The following CECR2 variants were observed in gnomAD, a reference collection of about 807,000 sequenced individuals.
CECR2 encodes CECR2 histone acetyl-lysine reader.
CECR2 carries 30 observed loss-of-function variants against 154.5 expected under a neutral mutation model. The ratio of observed to expected loss-of-function variants is 0.19; its 90% CI spans 0.15 to 0.26. CECR2 has a LOEUF of 0.26. CECR2 is among the 10% of genes least tolerant of loss of function. The pLI is 1.00. For synonymous variants in CECR2, 725 were observed against 683.7 expected, an observed-to-expected ratio of 1.06 and a Z score of -0.94; for missense variants, 1,743 against 1,829.3, an observed-to-expected ratio of 0.95 and a Z score of 0.86.
At chr22:17,545,583 A>G (rs1054623550) in intron 16 of CECR2, among the ~76,000 whole-genome samples, 1 of 151,984 alleles carries the variant, frequency 6.6e-6, no homozygotes, top group African/African-American at 2.4e-5. Flanking sequence ...GGTGGCTCAC[A>G]TCTGTAATTG....
intron 2 of CECR2, among the ~76,000 whole-genome samples, chr22:17,491,238 G>A (rs1052531103): frequency 4.6e-5 from 7 of 152,106 alleles, no homozygotes; most frequent in African/African-American, 1.7e-4. Context: ...CCTAGGAGTT[G>A]GAGTGGCTGG....
Position 17,504,855 on chromosome 22 carries a change from G to T in CECR2, c.709G>T (p.Gly237Trp). 6.2e-7 allele frequency: 1 copy of T among 1,613,108 alleles called. No individual in the cohort carries two copies. Among genetic ancestry groups the T allele is most frequent in the Non-Finnish European group, 8.5e-7 (1 of 1,179,614 alleles). ...SEPQTRHGSQ[G>W]PGQGTWWLLC... ...GTTCCTTTATTTTCTAGGGTCCCAA[G>T]GGCCAGGCCAAGGTACTTGGTGGCT... Residue 237 changes from glycine (G) to tryptophan (W), a missense_variant, in exon 7 of 19, where the codon GGG (glycine) becomes TGG (tryptophan). Transcript: ENST00000262608.
In CECR2 at chr22:17,540,704, G is replaced by A. The variant is rs2056509210; in HGVS notation, c.1788G>A (p.Gln596=). ...SGDDQSSSST[Q]PPREVGTSNG... is the part of the protein sequence containing the mutation. The stretch of plus-strand genomic sequence containing the variant: ...ACGATCAGAGCAGCAGCTCCACACA[G>A]CCCCCGCGGGAGGTGGGCACTTCCA... The change falls in exon 14 of 19, where the codon CAG becomes CAA. Residue 596 remains glutamine, a synonymous_variant. Transcript: ENST00000262608. The A allele has an allele frequency of 6.2e-7, 1 of 1,613,348 alleles. No homozygotes were observed. The highest frequency in any genetic ancestry group is 8.5e-7 in the Non-Finnish European group (1 of 1,179,658).
chr22:17,528,463 T>C (rs1313608607), intron 9 of CECR2, among the ~76,000 whole-genome samples: 5 of 152,042 alleles, frequency 3.3e-5, no homozygotes, highest in Admixed American at 2.0e-4. Flanking sequence ...ACAAAAAAAA[T>C]AGTTATTATG....
chr22:17,477,751 C>G, intron 2 of CECR2, 69 bp downstream of exon 2: 5 of 1,110,262 alleles, frequency 4.5e-6, no homozygotes, highest in Non-Finnish European at 6.9e-6. Context: ...AGTGATGTTT[C>G]CTGTCTCCTG....
At chr22:17,486,134 C>T (rs2055415865) in intron 2 of CECR2, among the ~76,000 whole-genome samples, 1 of 152,150 alleles carries the variant, frequency 6.6e-6, no homozygotes, top group African/African-American at 2.4e-5. Flanking sequence ...CAGGCACCAC[C>T]GTGCCCATCT....
intron 2 of CECR2, among the ~76,000 whole-genome samples, chr22:17,488,545 T>C (rs954865031): frequency 2.6e-5 from 4 of 152,180 alleles, no homozygotes; most frequent in African/African-American, 7.2e-5. Context: ...ATGAATGGGA[T>C]CACACAGTGT....
At chr22:17,527,853 T>A (rs543684362) in intron 9 of CECR2, among the ~76,000 whole-genome samples, 1 of 151,678 alleles carries the variant, frequency 6.6e-6, no homozygotes, top group South Asian at 2.1e-4. Context: ...TCCAAAACTA[T>A]TATGAGATAT....
upstream of CECR2, among the ~76,000 whole-genome samples, chr22:17,366,497 T>C (rs138974233): frequency 9.1e-3 from 1,380 of 152,188 alleles, 22 homozygotes; most frequent in African/African-American, 0.032. Context: ...ACTGTGTGTT[T>C]TTAAGGAAGA....
chr22:17,435,595 A>G (rs1018991501), intron 1 of CECR2, among the ~76,000 whole-genome samples: 3 of 146,140 alleles, frequency 2.1e-5, no homozygotes, highest in East Asian at 2.1e-4. Context: ...AGCAAGTTCT[A>G]TTTTTGTTTG....
Position 17,542,333 on chromosome 22 carries a change from G to A in CECR2, c.2190G>A (p.Gln730=). Residue 730 remains glutamine, a synonymous_variant, in exon 16 of 19, where the codon CAG becomes CAA. Transcript: ENST00000262608. The part of the protein sequence containing the change: ...DGSMYAPAQF[Q]PGFIPPRHGG... ...GCATGTATGCTCCAGCTCAGTTCCA[G>A]CCAGGATTCATTCCTCCCCGGCATG... 2 of 1,613,516 alleles carry A rather than the reference G, an allele frequency of 1.2e-6. No homozygotes were observed. The highest frequency in any genetic ancestry group is 1.7e-6 in the Non-Finnish European group (2 of 1,179,726).
chr22:17,435,131 A>G (rs1283445086), intron 1 of CECR2, among the ~76,000 whole-genome samples: 1 of 152,164 alleles, frequency 6.6e-6, no homozygotes, highest in Non-Finnish European at 1.5e-5. Context: ...TGAATCAGTC[A>G]GACTTGATTT....
chr22:17,524,246 G>A lies in CECR2; in HGVS notation c.1083G>A (p.Leu361=). Residue 361 remains leucine, a synonymous_variant, in exon 9 of 19, where the codon TTG becomes TTA. Coordinates refer to ENST00000262608, the MANE Select transcript of CECR2 (RefSeq NM_001290047.2). The part of the protein sequence containing the change: ...QMLKEERKRE[L]EEKVKAVEDR... ...TAAAGGAAGAGAGGAAACGCGAGTT[G>A]GAGGAGAAGGTCAAGGCAGTGGAAG... is the stretch of plus-strand genomic sequence containing the variant. The A allele has an allele frequency of 4.3e-6, 7 of 1,609,738 alleles. No homozygotes were observed. The highest frequency in any genetic ancestry group is 5.9e-6 in the Non-Finnish European group (7 of 1,178,256).
rs12167185 is a variant in CECR2 at position 17,492,948 on chromosome 22, C to T, written c.222-4455C>T. Among the ~76,000 whole-genome samples the T allele has an allele frequency of 2.5e-3, 380 of 152,040 alleles. 3 individuals carry two copies. Among genetic ancestry groups the T allele is most frequent in the African/African-American group, 8.8e-3 (366 of 41,460 alleles). On this transcript the variant is annotated intron_variant, in intron 2 of 18. Coordinates refer to ENST00000262608, the MANE Select transcript of CECR2 (RefSeq NM_001290047.2). Reference sequence around the variant, plus strand: ...CAGCACAGTGCCACTGTTCTTTTTCCTTTATTTTATTTTACTTTATATTTT... The same window carrying T: ...CAGCACAGTGCCACTGTTCTTTTTCTTTTATTTTATTTTACTTTATATTTT...
chr22:17,421,611 T>A (rs1312789601), intron 1 of CECR2, among the ~76,000 whole-genome samples: 2 of 33,966 alleles, frequency 5.9e-5, no homozygotes, highest in Admixed American at 5.3e-4. Flanking sequence ...CGAGACTCCG[T>A]CTCAAAAAAA....
chr22:17,503,212 T>A, intron 6 of CECR2, 81 bp downstream of exon 6: 1 of 1,334,538 alleles, frequency 7.5e-7, no homozygotes, highest in Admixed American at 2.0e-5. Context: ...TTTTCTAGAG[T>A]CATACAAAGT....
chr22:17,502,671 C>T (rs918748299), intron 5 of CECR2, among the ~76,000 whole-genome samples: 3 of 151,996 alleles, frequency 2.0e-5, no homozygotes, highest in Non-Finnish European at 4.4e-5. Context: ...CACCTGGTGG[C>T]GGGTGCCTAT....
intron 1 of CECR2, among the ~76,000 whole-genome samples, chr22:17,422,341 G>C (rs2054268738): frequency 6.6e-6 from 1 of 152,096 alleles, no homozygotes; most frequent in Non-Finnish European, 1.5e-5. Context: ...GGGATTACAG[G>C]CGCGCGCCAC....
chr22:17,511,562 T>G (rs780613191), intron 7 of CECR2, among the ~76,000 whole-genome samples: 1 of 152,050 alleles, frequency 6.6e-6, no homozygotes, highest in Non-Finnish European at 1.5e-5. Context: ...GGGAGTTTTT[T>G]GCCAGTGATA....
Sources: allele counts gnomAD v4.1 joint callset (sites outside exome capture counted in the v4.1 genomes callset), GRCh38; gene constraint gnomAD v4.1.1; transcripts MANE v1.5; gene names NCBI Gene and HGNC (gene_info 2026-07-23, HGNC 2026-07-21).